The following METTL15 variants were observed in gnomAD, a reference collection of about 807,000 sequenced individuals.
The protein encoded by METTL15 is 12S rRNA N(4)-cytidine methyltransferase METTL15.
METTL15 carries 34 observed loss-of-function variants against 38.3 expected under a neutral mutation model. The ratio of observed to expected loss-of-function variants is 0.89; its 90% confidence interval spans 0.68 to 1.18. The LOEUF is 1.18. Among genes scored for constraint, METTL15 ranks in the 50% most tolerant of loss-of-function variants. The pLI, the probability that METTL15 is intolerant of heterozygous loss-of-function variation, is 0.00. For synonymous variants in METTL15, 162 were observed against 170.9 expected (o/e 0.95, Z 0.41); for missense variants, 438 against 498.4 (o/e 0.88, Z 1.15).
At chr11:28,314,736 A>G (rs147784853) in intron 6 of METTL15, among the ~76,000 whole-genome samples, 109 of 152,326 alleles carry the variant, frequency 7.2e-4, no homozygotes, top group African/African-American at 2.4e-3. Context: ...TGTAGGTCCC[A>G]TAATTCCCAT....
chr11:28,274,686 A>G (rs541993298), intron 4 of METTL15, among the ~76,000 whole-genome samples: 123 of 152,126 alleles, frequency 8.1e-4, no homozygotes, highest in Non-Finnish European at 1.6e-3. Context: ...GCTGACTTCC[A>G]TTATACATCT....
chr11:28,305,254 T>C (rs1439198162), intron 6 of METTL15, among the ~76,000 whole-genome samples: 1 of 152,138 alleles, frequency 6.6e-6, no homozygotes, highest in Non-Finnish European at 1.5e-5. Flanking sequence ...TAAAAAAGTC[T>C]AGCTGTTCTC....
At chr11:28,393,301 T>A (rs1214487416) in intron 5 of METTL15, among the ~76,000 whole-genome samples, 12 of 152,168 alleles carry the variant, frequency 7.9e-5, no homozygotes, top group African/African-American at 1.4e-4. Flanking sequence ...AATGAATGGA[T>A]AAAGAAAATG....
chr11:28,437,110 G>A (rs191409239), intron 6 of METTL15, among the ~76,000 whole-genome samples: 1 of 152,306 alleles, frequency 6.6e-6, no homozygotes, highest in African/African-American at 2.4e-5. Context: ...TTTGCCAGGG[G>A]CTTTCAGGCC....
At chr11:28,142,426 TCTTGCTGC>T (rs762323689) in intron 3 of METTL15, among the ~76,000 whole-genome samples, 60 of 152,338 alleles carry the variant, frequency 3.9e-4, no homozygotes, top group Non-Finnish European at 6.2e-4. Flanking sequence ...AACTTGATTG[TCTTGCTGC>T]CTGGCCTATT....
chr11:28,399,475 G>T (rs1185634799), intron 5 of METTL15, among the ~76,000 whole-genome samples: 1 of 151,818 alleles, frequency 6.6e-6, no homozygotes, highest in Non-Finnish European at 1.5e-5. Context: ...ACTCATATTT[G>T]CATAAGGTGT....
intron 6 of METTL15, among the ~76,000 whole-genome samples, chr11:28,325,066 G>T (rs1849590442): frequency 6.6e-6 from 1 of 152,010 alleles, no homozygotes; most frequent in South Asian, 2.1e-4. Flanking sequence ...CTTTGTCCTG[G>T]CTCCCCTCTC....
intron 6 of METTL15, among the ~76,000 whole-genome samples, chr11:28,302,445 G>T (rs1856944630): frequency 1.3e-5 from 2 of 152,054 alleles, no homozygotes; most frequent in South Asian, 4.2e-4. Flanking sequence ...GTTGTGGGAG[G>T]GACCCACTGG....
intron 4 of METTL15, among the ~76,000 whole-genome samples, chr11:28,260,424 C>T (rs1855155530): frequency 6.6e-6 from 1 of 152,160 alleles, no homozygotes; most frequent in South Asian, 2.1e-4. Context: ...TTACCTGGAA[C>T]TATCCTATTT....
At chr11:28,254,076 G>T (rs185669684) in intron 4 of METTL15, among the ~76,000 whole-genome samples, 12 of 152,172 alleles carry the variant, frequency 7.9e-5, no homozygotes, top group Non-Finnish European at 1.8e-4. Context: ...CTATAGGGTT[G>T]TGCTACTTTA....
intron 4 of METTL15, among the ~76,000 whole-genome samples, chr11:28,268,442 T>C (rs1488812636): frequency 6.6e-6 from 1 of 152,036 alleles, no homozygotes; most frequent in African/African-American, 2.4e-5. Flanking sequence ...GTATAGAGAA[T>C]CCATTATCAT....
intron 5 of METTL15, among the ~76,000 whole-genome samples, chr11:28,363,020 T>C (rs1417603875): frequency 1.3e-5 from 2 of 152,210 alleles, no homozygotes; most frequent in Non-Finnish European, 2.9e-5. Flanking sequence ...CCAACATCTA[T>C]TGTTGTTTGA....
intron 6 of METTL15, among the ~76,000 whole-genome samples, chr11:28,469,090 G>A (rs185713317): frequency 2.2e-4 from 33 of 152,226 alleles, no homozygotes; most frequent in Non-Finnish European, 4.4e-4. Flanking sequence ...TTAGTCATTT[G>A]TGTGTGTATG....
At chr11:28,455,581 A>G (rs1202125428) in intron 6 of METTL15, among the ~76,000 whole-genome samples, 1 of 152,186 alleles carries the variant, frequency 6.6e-6, no homozygotes, top group Non-Finnish European at 1.5e-5. Flanking sequence ...TTTTCCAGAG[A>G]TGGTTGTAAA....
intron 3 of METTL15, among the ~76,000 whole-genome samples, chr11:28,123,473 C>T (rs750193869): frequency 2.6e-5 from 4 of 152,120 alleles, no homozygotes; most frequent in Non-Finnish European, 4.4e-5. Flanking sequence ...AACCAAGTTG[C>T]AAGGCCTTAT....
intron 3 of METTL15, among the ~76,000 whole-genome samples, chr11:28,175,596 T>C (rs1356166160): frequency 2.6e-5 from 4 of 152,170 alleles, no homozygotes; most frequent in Non-Finnish European, 5.9e-5. Flanking sequence ...CCAAATGACT[T>C]ATTAACTTTC....
intron 4 of METTL15, among the ~76,000 whole-genome samples, chr11:28,219,800 G>T (rs1853102786): frequency 6.6e-6 from 1 of 152,082 alleles, no homozygotes; most frequent in Non-Finnish European, 1.5e-5. Flanking sequence ...CTTTATTTCT[G>T]CCTTCATTTA....
At chr11:28,225,085 G>A (rs750724837) in intron 4 of METTL15, among the ~76,000 whole-genome samples, 1 of 151,766 alleles carries the variant, frequency 6.6e-6, no homozygotes, top group African/African-American at 2.4e-5. Context: ...CATGTAAGGT[G>A]ATAAAGTAAT....
At chr11:28,195,911 T>A (rs1016570223) in intron 3 of METTL15, among the ~76,000 whole-genome samples, 1 of 152,102 alleles carries the variant, frequency 6.6e-6, no homozygotes, top group African/African-American at 2.4e-5. Flanking sequence ...GTTTCATTTT[T>A]CTATATGTGG....
Sources: allele counts gnomAD v4.1 joint callset (sites outside exome capture counted in the v4.1 genomes callset), GRCh38; gene constraint gnomAD v4.1.1; transcripts MANE v1.5; gene names NCBI Gene and HGNC (gene_info 2026-07-23, HGNC 2026-07-21).